Variants in EIF3L observed in about 807,000 individuals in gnomAD.
EIF3L encodes the protein eIEF associated protein HSPC021.
EIF3L carries 32 observed loss-of-function variants against 74.6 expected under a neutral mutation model. The ratio of observed to expected loss-of-function variants is 0.43; its 90% CI spans 0.32 to 0.58. The LOEUF (loss-of-function observed/expected upper bound fraction) is 0.58, where lower values mean the gene tolerates loss of function less well. EIF3L is among the 20% of genes least tolerant of loss of function. The pLI, the probability that EIF3L is intolerant of heterozygous loss-of-function variation, is 0.06. For synonymous variants in EIF3L, 256 were observed against 254.4 expected, an observed-to-expected ratio of 1.01 and a Z score of -0.06; for missense variants, 474 against 707.8, an observed-to-expected ratio of 0.67 and a Z score of 3.75.
chr22:37,876,099 C>G (rs989567662), intron 10 of EIF3L, 88 bp downstream of exon 10: 17 of 1,396,218 alleles, frequency 1.2e-5, no homozygotes, highest in African/African-American at 1.4e-5. Flanking sequence ...AAACACCATC[C>G]AAAATATTGC....
chr22:37,863,424 G>A, intron 7 of EIF3L, 79 bp downstream of exon 7: 1 of 1,193,798 alleles, frequency 8.4e-7, no homozygotes, highest in Non-Finnish European at 1.2e-6. Context: ...GTGTAAAAAA[G>A]CTGCAGGGTG....
chr22:37,856,972 G>A (rs1420342710), intron 4 of EIF3L, among the ~76,000 whole-genome samples: 2 of 151,336 alleles, frequency 1.3e-5, no homozygotes, highest in Non-Finnish European at 2.9e-5. Context: ...TTTTAGGATG[G>A]ACTTGTCAAT....
chr22:37,868,938 G>A (rs1002373515), intron 7 of EIF3L, among the ~76,000 whole-genome samples: 4 of 151,518 alleles, frequency 2.6e-5, no homozygotes, highest in Non-Finnish European at 5.9e-5. Context: ...CACCGCACCC[G>A]GCCTGTTTTT....
chr22:37,885,700 G>C (rs961438877), intron 11 of EIF3L: 1 of 145,910 alleles, frequency 6.9e-6, no homozygotes, highest in African/African-American at 2.6e-5. Flanking sequence ...CTGGAGTGCA[G>C]TGACGCAGTC....
chr22:37,870,160 T>G lies in EIF3L; in HGVS notation c.580-16T>G. The G allele has an allele frequency of 6.3e-7, 1 of 1,579,424 alleles. No homozygotes were observed. The highest frequency in any genetic ancestry group is 8.6e-7 in the Non-Finnish European group (1 of 1,161,450). Reference sequence around the variant, plus strand: ...GGCTTATACCACTACTGCATGTTTCTTTTCTTCCTCAACAGTTTCAGTCAT... The same window carrying G: ...GGCTTATACCACTACTGCATGTTTCGTTTCTTCCTCAACAGTTTCAGTCAT... On this transcript the variant is annotated splice_polypyrimidine_tract_variant and intron_variant, in intron 7 of 12. Transcript: ENST00000652021.
At position 37,851,592 on chromosome 22, in the gene EIF3L, G is replaced by A. The variant is rs1925228638; in HGVS notation, c.293+102G>A. 3 of 726,354 alleles carry A rather than the reference G, an allele frequency of 4.1e-6. 1 individual carries two copies. Among genetic ancestry groups the A allele is most frequent in the Admixed American group, 5.1e-5 (2 of 39,104 alleles). 45.0% of individuals were successfully genotyped at this position (726,354 alleles called of 1,614,324 possible). A position where few individuals can be genotyped will look rare whatever the true frequency, so the allele number is the denominator to read the frequency against. On this transcript the variant is annotated intron_variant, in intron 3 of 12. Coordinates refer to ENST00000652021, the MANE Select transcript of EIF3L (RefSeq NM_016091.4). The stretch of plus-strand genomic sequence containing the variant: ...CACTCTGTAAACAGTACTTTCGGGG[G>A]GGTTGGGGGGTGGGGGTCTTTGTGA...
chr22:37,854,126 G>C (rs1490240538), intron 3 of EIF3L, among the ~76,000 whole-genome samples: 1 of 152,202 alleles, frequency 6.6e-6, no homozygotes, highest in African/African-American at 2.4e-5. Flanking sequence ...TGTTTCTTTA[G>C]GGATGGGTGG....
intron 2 of EIF3L, among the ~76,000 whole-genome samples, chr22:37,850,983 A>G (rs929907313): frequency 3.3e-5 from 5 of 152,154 alleles, no homozygotes; most frequent in African/African-American, 1.2e-4. Flanking sequence ...TCCAACGCAC[A>G]CTTTTCTAGG....
chr22:37,850,163 G>C (rs1925109558), intron 2 of EIF3L, 100 bp downstream of exon 2: 1 of 1,394,866 alleles, frequency 7.2e-7, no homozygotes, highest in Non-Finnish European at 1.0e-6. Flanking sequence ...GCTCTTTGAT[G>C]GTCCAGGTTT....
chr22:37,866,830 G>C (rs554243843), intron 7 of EIF3L, among the ~76,000 whole-genome samples: 5 of 152,106 alleles, frequency 3.3e-5, no homozygotes, highest in Non-Finnish European at 7.4e-5. Flanking sequence ...ACCATGCCCA[G>C]CCATGAGGTG....
At chr22:37,866,665 A>G (rs1926166685) in intron 7 of EIF3L, among the ~76,000 whole-genome samples, 1 of 152,098 alleles carries the variant, frequency 6.6e-6, no homozygotes, top group Admixed American at 6.6e-5. Flanking sequence ...AGGTACCTGT[A>G]ATCCCAGCTA....
Position 37,888,804 on chromosome 22 carries a change from G to A in EIF3L, c.*340G>A, listed in dbSNP as rs1271426068. ...GTCTCCCAGGCTGGAGTGCAGTAGCGTGATCTCAGTTCGTTGCATCCTCCG... is the reference window on the plus strand; with the variant it reads ...GTCTCCCAGGCTGGAGTGCAGTAGCATGATCTCAGTTCGTTGCATCCTCCG... On this transcript the variant is annotated 3_prime_UTR_variant, in exon 13 of 13. Transcript: ENST00000652021. 7.7e-6 allele frequency: 2 copies of A among 259,500 alleles called. No individual in the cohort carries two copies. Among genetic ancestry groups the A allele is most frequent in the South Asian group, 5.6e-5 (1 of 17,746 alleles). The allele number at this position is 259,500 out of a possible 1,614,324, so 16.1% of individuals were successfully genotyped here. A position where few individuals can be genotyped will look rare whatever the true frequency, so the allele number is the denominator to read the frequency against.
chr22:37,876,044 T>C, intron 10 of EIF3L, 33 bp downstream of exon 10: 1 of 1,600,640 alleles, frequency 6.2e-7, no homozygotes, highest in Non-Finnish European at 8.5e-7. Context: ...CCAGTGGCCT[T>C]TCTAATCAGG....
chr22:37,862,679 TG>T (rs1334767250), intron 5 of EIF3L, among the ~76,000 whole-genome samples: 7 of 152,180 alleles, frequency 4.6e-5, no homozygotes, highest in Admixed American at 1.3e-4. Flanking sequence ...TTTGCTAGTG[TG>T]GTTTTTTTCT....
chr22:37,887,636 G>A (rs117652084), intron 12 of EIF3L: 1,588 of 152,456 alleles, frequency 0.01, 17 homozygotes, highest in Middle Eastern at 0.034. Context: ...GGGGAGTGGG[G>A]TTGGGCCTGT....
At chr22:37,881,223 A>G (rs537583570) in intron 11 of EIF3L, 1 of 152,056 alleles carries the variant, frequency 6.6e-6, no homozygotes, top group South Asian at 2.1e-4. Context: ...TTAATGTCTG[A>G]TGAGATTTTC....
Position 37,877,586 on chromosome 22 carries a change from G to A in EIF3L, c.1078-88G>A, listed in dbSNP as rs1262866563. 8.2e-6 allele frequency: 12 copies of A among 1,459,466 alleles called. No homozygotes were observed. The East Asian group carries it at 2.5e-4, about 31-fold the overall frequency. The allele number at this position is 1,459,466 out of a possible 1,614,324, so 90.4% of individuals were successfully genotyped here. On this transcript the variant is annotated intron_variant, in intron 10 of 12. Coordinates refer to ENST00000652021, the MANE Select transcript of EIF3L (RefSeq NM_016091.4). ...AAACAACTGGGTAAGTCAAAGATCT[G>A]TGCAGAGAATGGTGAGGCCAGTTGG...
At chr22:37,887,310 A>G (rs1167134737) in intron 12 of EIF3L, 2 of 152,082 alleles carry the variant, frequency 1.3e-5, no homozygotes, top group African/African-American at 4.9e-5. Context: ...GTCTCAAGAA[A>G]AAAAAAAAAG....
chr22:37,856,646 AC>A (rs1925525288), intron 4 of EIF3L, among the ~76,000 whole-genome samples: 1 of 151,870 alleles, frequency 6.6e-6, no homozygotes, highest in Non-Finnish European at 1.5e-5. Flanking sequence ...GGAGTTCGAG[AC>A]CAGCCTGATT....
Sources: gnomAD v4.1 joint callset for allele counts (sites outside exome capture counted in the v4.1 genomes callset) on GRCh38, gnomAD v4.1.1 for gene constraint, MANE v1.5 for transcripts, NCBI Gene and HGNC (gene_info 2026-07-23, HGNC 2026-07-21) for gene names.